Variants in SLC25A43 observed in about 807,000 individuals in gnomAD.
SLC25A43 encodes the protein solute carrier family 25 member 43.
In SLC25A43, 10 loss-of-function variants were observed where a neutral mutation model predicts 22.8. The observed-to-expected ratio is 0.44, with a 90% CI of 0.27 to 0.74. SLC25A43 has a LOEUF of 0.74. Ranked by LOEUF, SLC25A43 falls within the 30% of genes least tolerant of loss-of-function variation. The probability of loss-of-function intolerance (pLI) is 0.17; values close to 1 mark genes in which losing one functional copy is unlikely to be tolerated. For missense variants in SLC25A43, 233 were observed against 279.1 expected (o/e 0.83, Z 1.18); for synonymous variants, 106 against 121.6 (o/e 0.87, Z 0.84).
At position 119,454,181 on chromosome X, in the gene SLC25A43, C is replaced by A. The variant is rs1025766141; in HGVS notation, c.*1116C>A. On this transcript the variant is annotated 3_prime_UTR_variant, in exon 5 of 5. Coordinates refer to ENST00000217909, the MANE Select transcript of SLC25A43 (RefSeq NM_145305.3). ...GATGTCCCAGTTGCCTAGAAAGGAT[C>A]AAATGGAACATTTGACACACATACT... is the stretch of plus-strand genomic sequence containing the variant. 1 of 111,946 alleles carries A rather than the reference C, an allele frequency of 8.9e-6. No homozygotes were observed. Among genetic ancestry groups the A allele is most frequent in the Non-Finnish European group, 1.9e-5 (1 of 53,179 alleles). 9.2% of individuals were successfully genotyped at this position (111,946 alleles called of 1,213,427 possible). A position where few individuals can be genotyped will look rare whatever the true frequency, so the allele number is the denominator to read the frequency against.
intron 3 of SLC25A43, among the ~76,000 whole-genome samples, chrX:119,415,210 G>A (rs1296533480): frequency 1.8e-5 from 2 of 109,149 alleles, no homozygotes; most frequent in Non-Finnish European, 3.8e-5. Flanking sequence ...GGGGTGAGCC[G>A]CCGTGCCTGG....
At position 119,453,254 on chromosome X, in the gene SLC25A43, G is replaced by A; in HGVS notation, c.*189G>A. 2.3e-6 allele frequency: 1 copy of A among 439,217 alleles called. No homozygotes were observed. Among genetic ancestry groups the A allele is most frequent in the Non-Finnish European group, 4.0e-6 (1 of 251,434 alleles). The allele number at this position is 439,217 out of a possible 1,213,427, so 36.2% of individuals were successfully genotyped here. A position where few individuals can be genotyped will look rare whatever the true frequency, so the allele number is the denominator to read the frequency against. Reference sequence around the variant, plus strand: ...GTCCCTGTGAACACCTGCACTATGAGAAGGTTTCCCAACAAGAGTGTATCA... The same window carrying A: ...GTCCCTGTGAACACCTGCACTATGAAAAGGTTTCCCAACAAGAGTGTATCA... On this transcript the variant is annotated 3_prime_UTR_variant, in exon 5 of 5. Transcript: ENST00000217909.
intron 3 of SLC25A43, among the ~76,000 whole-genome samples, chrX:119,427,671 T>C (rs894794070): frequency 9.0e-6 from 1 of 111,520 alleles, no homozygotes; most frequent in Admixed American, 9.6e-5. Context: ...CACAACCACC[T>C]CCCCCACATA....
chrX:119,418,827 A>G (rs958048190), intron 3 of SLC25A43, among the ~76,000 whole-genome samples: 8 of 111,773 alleles, frequency 7.2e-5, no homozygotes, highest in Admixed American at 3.8e-4. Flanking sequence ...ACGGACCCCA[A>G]CCACCCTGCC....
intron 3 of SLC25A43, among the ~76,000 whole-genome samples, chrX:119,441,424 G>A (rs1278137219): frequency 9.5e-6 from 1 of 105,421 alleles, no homozygotes; most frequent in Non-Finnish European, 1.9e-5. Context: ...AGAAATCACC[G>A]TCTTCTGCGT....
At chrX:119,399,875 C>G (rs1361485264) in intron 1 of SLC25A43, among the ~76,000 whole-genome samples, 197 bp downstream of exon 1, 3 of 112,911 alleles carry the variant, frequency 2.7e-5, no homozygotes, top group African/African-American at 9.6e-5. Flanking sequence ...TTTTCACGTT[C>G]TCTTGGGGTT....
At chrX:119,420,832 C>T (rs1454077607) in intron 3 of SLC25A43, among the ~76,000 whole-genome samples, 1 of 112,119 alleles carries the variant, frequency 8.9e-6, no homozygotes, top group African/African-American at 3.2e-5. Flanking sequence ...TCAGGCTGGG[C>T]CTGGTGGCCC....
intron 1 of SLC25A43, among the ~76,000 whole-genome samples, chrX:119,399,906 T>G: frequency 8.9e-6 from 1 of 112,450 alleles, no homozygotes; most frequent in Non-Finnish European, 1.9e-5. Context: ...AAGATGCAGT[T>G]TTGTGGTCCG....
At chrX:119,450,867 T>G (rs961790569) in intron 3 of SLC25A43, among the ~76,000 whole-genome samples, 7 of 112,517 alleles carry the variant, frequency 6.2e-5, no homozygotes, top group Non-Finnish European at 1.1e-4. Context: ...GTAAAATTAT[T>G]TTTCTAAGAG....
At chrX:119,410,888 C>CAAAAAAAAG (rs201479452) in intron 3 of SLC25A43, among the ~76,000 whole-genome samples, 2 of 106,230 alleles carry the variant, frequency 1.9e-5, no homozygotes, top group South Asian at 8.7e-4. Context: ...GACTATGTCT[C>CAAAAAAAAG]AAAAAAAAGA....
chrX:119,406,936 C>A (rs6646388), intron 2 of SLC25A43, among the ~76,000 whole-genome samples: 2,642 of 112,906 alleles, frequency 0.023, 63 homozygotes, highest in African/African-American at 0.075. Context: ...GGTGACTCAG[C>A]AAACTGGTAA....
chrX:119,443,825 A>C (rs1426506194), intron 3 of SLC25A43, among the ~76,000 whole-genome samples: 7 of 109,252 alleles, frequency 6.4e-5, no homozygotes, highest in Non-Finnish European at 1.1e-4. Context: ...GGCTCACTGC[A>C]GCCTCAACTT....
chrX:119,441,265 G>A (rs1481167532), intron 3 of SLC25A43, among the ~76,000 whole-genome samples: 3 of 72,097 alleles, frequency 4.2e-5, no homozygotes, highest in Non-Finnish European at 7.9e-5. Flanking sequence ...TCTTTGACTC[G>A]GAAAGGGAAC....
intron 3 of SLC25A43, among the ~76,000 whole-genome samples, chrX:119,444,493 C>T (rs1374563619): frequency 2.0e-5 from 2 of 101,900 alleles, no homozygotes; most frequent in Admixed American, 1.1e-4. Flanking sequence ...ATCACGAGGT[C>T]GAGAGATCGA....
chrX:119,445,672 T>C (rs1398674137), intron 3 of SLC25A43, among the ~76,000 whole-genome samples: 1 of 111,876 alleles, frequency 8.9e-6, no homozygotes. Flanking sequence ...AGCTGGGGGC[T>C]TTGGTTAAGT....
At chrX:119,446,498 AG>A (rs1231584167) in intron 3 of SLC25A43, among the ~76,000 whole-genome samples, 1 of 112,765 alleles carries the variant, frequency 8.9e-6, no homozygotes, top group Non-Finnish European at 1.9e-5. Flanking sequence ...GCTATGCATC[AG>A]TAGTGGCAAT....
chrX:119,417,545 T>A (rs1271678181), intron 3 of SLC25A43, among the ~76,000 whole-genome samples: 2 of 111,456 alleles, frequency 1.8e-5, no homozygotes, highest in African/African-American at 3.3e-5. Context: ...TCCTGAGAGC[T>A]AGAACAGTGA....
At chrX:119,430,669 G>A (rs184632104) in intron 3 of SLC25A43, among the ~76,000 whole-genome samples, 2 of 112,268 alleles carry the variant, frequency 1.8e-5, no homozygotes, top group East Asian at 2.8e-4. Context: ...TCCAGGCCTC[G>A]CCCCCGTTCA....
Position 119,453,033 on chromosome X carries a change from A to G in SLC25A43, c.994A>G (p.Arg332Gly). 8.3e-7 allele frequency: 1 copy of G among 1,211,010 alleles called. No individual in the cohort carries two copies. Among genetic ancestry groups the G allele is most frequent in the Non-Finnish European group, 1.1e-6 (1 of 894,895 alleles). The change falls in exon 5 of 5, where the codon AGA becomes GGA. Residue 332 changes from arginine to glycine, a missense_variant. Physicochemically the swap from Arg to Gly is moderately radical, Grantham distance 125. Coordinates refer to ENST00000217909, the MANE Select transcript of SLC25A43 (RefSeq NM_145305.3). ...LRELKKFFKT[R>G]KPKPKKPTL is the part of the protein sequence containing the mutation. The stretch of plus-strand genomic sequence containing the variant: ...AGAATTAAAGAAGTTCTTCAAAACG[A>G]GAAAACCGAAGCCTAAAAAACCAAC...
Sources: allele counts gnomAD v4.1 joint callset (sites outside exome capture counted in the v4.1 genomes callset), GRCh38; gene constraint gnomAD v4.1.1; transcripts MANE v1.5; gene names NCBI Gene and HGNC (gene_info 2026-07-23, HGNC 2026-07-21).